The following DPY19L1 variants were observed in gnomAD, a reference collection of about 807,000 sequenced individuals.
The protein encoded by DPY19L1 is protein C-mannosyl-transferase DPY19L1.
Under a neutral mutation model 96.9 loss-of-function variants are expected in DPY19L1, and 35 were observed. The observed-to-expected ratio is 0.36, with a 90% CI of 0.28 to 0.48. The LOEUF (loss-of-function observed/expected upper bound fraction) is 0.48, where lower values mean the gene tolerates loss of function less well. Ranked by LOEUF, DPY19L1 falls within the 20% of genes least tolerant of loss-of-function variation. DPY19L1 has a pLI of 0.99. For missense variants in DPY19L1, 521 were observed against 777.9 expected (o/e 0.67, Z 3.93); for synonymous variants, 205 against 252.6 (o/e 0.81, Z 1.79).
At chr7:34,971,103 C>T (rs1201084595) in intron 8 of DPY19L1, among the ~76,000 whole-genome samples, 1 of 152,098 alleles carries the variant, frequency 6.6e-6, no homozygotes, top group Non-Finnish European at 1.5e-5. Flanking sequence ...ACCAAGCCAT[C>T]GCCACCCACC....
chr7:34,972,115 G>A (rs1784736280), intron 8 of DPY19L1, among the ~76,000 whole-genome samples: 1 of 152,202 alleles, frequency 6.6e-6, no homozygotes. Flanking sequence ...AATGCAGGCA[G>A]TCTCCCAAGA....
At chr7:35,021,538 C>T (rs557916958) in intron 1 of DPY19L1, among the ~76,000 whole-genome samples, 2 of 152,320 alleles carry the variant, frequency 1.3e-5, no homozygotes, top group East Asian at 1.9e-4. Flanking sequence ...GCTTATTACA[C>T]ACCCAACACT....
intron 20 of DPY19L1, 71 bp downstream of exon 20, chr7:34,939,205 T>C: frequency 7.5e-7 from 1 of 1,329,542 alleles, no homozygotes; most frequent in Non-Finnish European, 1.1e-6. Context: ...CTTATTACTT[T>C]GCTGGTGTCC....
At chr7:35,018,424 A>G (rs1785911337) in intron 2 of DPY19L1, 148 bp downstream of exon 2, 1 of 690,126 alleles carries the variant, frequency 1.4e-6, no homozygotes, top group African/African-American at 1.9e-5. Context: ...TGATTTATCA[A>G]TTAAACTAGT....
At chr7:35,016,219 T>C (rs329233) in intron 3 of DPY19L1, among the ~76,000 whole-genome samples, 39,821 of 152,054 alleles carry the variant, frequency 0.26, 5,422 homozygotes, top group Non-Finnish European at 0.31. Context: ...TTGTAGTACC[T>C]GAAAGTAAGG....
intron 10 of DPY19L1, among the ~76,000 whole-genome samples, chr7:34,958,511 T>C (rs1182462631): frequency 6.6e-6 from 1 of 152,252 alleles, no homozygotes; most frequent in Non-Finnish European, 1.5e-5. Context: ...TCCACTTCTA[T>C]TTTGTTTTGT....
chr7:34,963,132 T>C (rs1425548359), intron 10 of DPY19L1, among the ~76,000 whole-genome samples: 2 of 144,334 alleles, frequency 1.4e-5, no homozygotes, highest in Non-Finnish European at 3.0e-5. Context: ...GAGGCGGAGG[T>C]TGCAGTGAGC....
intron 1 of DPY19L1, among the ~76,000 whole-genome samples, chr7:35,024,550 G>A (rs1159783861): frequency 6.6e-6 from 1 of 152,050 alleles, no homozygotes; most frequent in Non-Finnish European, 1.5e-5. Context: ...TGCTTGAAAA[G>A]CCCCATGACT....
At chr7:35,011,878 G>A (rs1785719639) in intron 4 of DPY19L1, among the ~76,000 whole-genome samples, 1 of 152,148 alleles carries the variant, frequency 6.6e-6, no homozygotes, top group African/African-American at 2.4e-5. Flanking sequence ...AAACTAACAA[G>A]AAAATTAAAG....
intron 12 of DPY19L1, 88 bp downstream of exon 12, chr7:34,955,220 T>A: frequency 6.6e-7 from 1 of 1,510,390 alleles, no homozygotes; most frequent in Non-Finnish European, 9.1e-7. Flanking sequence ...CTGAGTTGCA[T>A]AGATCATTTT....
chr7:34,949,983 C>A, intron 13 of DPY19L1, 85 bp from the exon 14 acceptor site: 1 of 716,958 alleles, frequency 1.4e-6, no homozygotes, highest in Non-Finnish European at 2.2e-6. Flanking sequence ...AAATAGTTTT[C>A]ATTACATTAT....
At chr7:35,033,891 G>C (rs1173114667) in intron 1 of DPY19L1, among the ~76,000 whole-genome samples, 3 of 151,702 alleles carry the variant, frequency 2.0e-5, no homozygotes, top group Non-Finnish European at 2.9e-5. Context: ...GTCACTACTG[G>C]GGAGATACCA....
At chr7:34,996,003 T>C (rs1349380282) in intron 6 of DPY19L1, among the ~76,000 whole-genome samples, 1 of 152,016 alleles carries the variant, frequency 6.6e-6, no homozygotes, top group African/African-American at 2.4e-5. Flanking sequence ...TCGGGAAGGG[T>C]GAGAAAAGTT....
At chr7:35,024,094 C>T (rs1786065414) in intron 1 of DPY19L1, among the ~76,000 whole-genome samples, 2 of 152,056 alleles carry the variant, frequency 1.3e-5, no homozygotes, top group Admixed American at 1.3e-4. Flanking sequence ...CCTCAGCCTC[C>T]CAAAGTGCCG....
chr7:35,005,581 C>T (rs1785533144), intron 6 of DPY19L1, among the ~76,000 whole-genome samples: 1 of 148,044 alleles, frequency 6.8e-6, no homozygotes, highest in African/African-American at 2.5e-5. Flanking sequence ...GGTGGATCAC[C>T]TGAGGTCAGG....
Position 34,990,070 on chromosome 7 carries a change from G to A in DPY19L1, c.765-129C>T, listed in dbSNP as rs1785134294. 1.4e-5 allele frequency: 7 copies of A among 506,836 alleles called. No individual in the cohort carries two copies. In the South Asian group the frequency reaches 4.5e-4, roughly 33 times the overall value. 31.4% of individuals were successfully genotyped at this position (506,836 alleles called of 1,614,324 possible). On this transcript the variant is annotated intron_variant, in intron 6 of 21. Coordinates refer to ENST00000638088, the MANE Select transcript of DPY19L1 (RefSeq NM_001366673.1). ...TATAGTCATACTAGAACTCTCCTAT[G>A]CTTATTTACAAAATAGTTTATTTCC... is the stretch of plus-strand genomic sequence containing the variant.
rs181819021 is a variant in DPY19L1, at chr7:34,981,301, A to C, written c.823-7696T>G. Among the ~76,000 whole-genome samples the C allele has an allele frequency of 3.9e-5, 6 of 152,338 alleles. No homozygotes were observed. In the East Asian group the frequency reaches 7.7e-4, roughly 20 times the overall value. On this transcript the variant is annotated intron_variant, in intron 7 of 21. Transcript: ENST00000638088. ...TATAATAAAATAAAATGGCAGGAGA[A>C]GGGATTTATCTTTATAGAACACCAT...
At chr7:35,032,903 C>T (rs1404099226) in intron 1 of DPY19L1, among the ~76,000 whole-genome samples, 2 of 152,184 alleles carry the variant, frequency 1.3e-5, no homozygotes, top group Non-Finnish European at 2.9e-5. Context: ...TCCATCTCCA[C>T]AGCCACCGCC....
At chr7:34,971,705 T>C (rs1784727823) in intron 8 of DPY19L1, among the ~76,000 whole-genome samples, 1 of 151,924 alleles carries the variant, frequency 6.6e-6, no homozygotes, top group Non-Finnish European at 1.5e-5. Flanking sequence ...GATAAGAGAC[T>C]AAAGAAAACA....
Sources: allele counts gnomAD v4.1 joint callset (sites outside exome capture counted in the v4.1 genomes callset), GRCh38; gene constraint gnomAD v4.1.1; transcripts MANE v1.5; gene names NCBI Gene and HGNC (gene_info 2026-07-23, HGNC 2026-07-21).